MYO15A: variants seen among roughly 807,000 people sequenced by gnomAD.
The protein encoded by MYO15A is myosin XVA.
A neutral mutation model predicts 394.6 loss-of-function variants in MYO15A; 308 were observed. That is an observed-to-expected ratio of 0.78 (90% confidence interval 0.71 to 0.86). The LOEUF (loss-of-function observed/expected upper bound fraction) is 0.86, where lower values mean the gene tolerates loss of function less well. Among genes scored for constraint, MYO15A ranks in the 40% least tolerant of loss-of-function variants. The pLI, the probability that MYO15A is intolerant of heterozygous loss-of-function variation, is 0.00. For missense variants in MYO15A, 4,606 were observed against 4,799.1 expected (o/e 0.96, Z 1.19); for synonymous variants, 1,957 against 2,003.8 (o/e 0.98, Z 0.62).
chr17:18,173,674 G>C (rs2046973461), intron 64 of MYO15A, 107 bp from the exon 65 acceptor site: 1 of 1,479,946 alleles, frequency 6.8e-7, no homozygotes, highest in African/African-American at 1.4e-5. Flanking sequence ...ACTTGAACTG[G>C]AGTGAGTCTC....
intron 1 of MYO15A, among the ~76,000 whole-genome samples, chr17:18,112,750 C>T (rs1172919354): frequency 6.6e-6 from 1 of 151,986 alleles, no homozygotes; most frequent in Non-Finnish European, 1.5e-5. Flanking sequence ...TGGTTTTTGA[C>T]TCAGAAATGC....
intron 1 of MYO15A, among the ~76,000 whole-genome samples, chr17:18,112,392 A>C: frequency 2.0e-5 from 3 of 149,320 alleles, no homozygotes; most frequent in Admixed American, 6.7e-5. Flanking sequence ...TTTCACATAT[A>C]CACTTTTTTG....
Position 18,167,586 on chromosome 17 carries a change from G to T in MYO15A, c.9949-4G>T, listed in dbSNP as rs780136956. ...GCAGCCCCTCACCCAGGTGCTCCCT[G>T]CAGGTCCTGCCTGACTACCTGAAGG... is the stretch of plus-strand genomic sequence containing the variant. On this transcript the variant is annotated splice_polypyrimidine_tract_variant and splice_region_variant and intron_variant, in intron 61 of 65. Coordinates refer to ENST00000647165, the MANE Select transcript of MYO15A (RefSeq NM_016239.4). 6 of 1,601,682 alleles carry T rather than the reference G, an allele frequency of 3.7e-6. No homozygotes were observed. The highest frequency in any genetic ancestry group is 4.2e-6 in the Non-Finnish European group (5 of 1,179,860).
rs531327027 is a variant in MYO15A, at chr17:18,167,631, G to C, written c.9990G>C (p.Pro3330=). The change falls in exon 62 of 66, where the codon CCG becomes CCC. Residue 3330 remains proline (P), a synonymous_variant. Coordinates refer to ENST00000647165, the MANE Select transcript of MYO15A (RefSeq NM_016239.4). ...DYLKGLFSSV[P]ASRPSEQLLQ... Reference sequence around the variant, plus strand: ...TGAAGGGACTCTTCAGCAGTGTGCCGGCCAGCCGGCCCAGCGAGCAGCTGC... The same window carrying C: ...TGAAGGGACTCTTCAGCAGTGTGCCCGCCAGCCGGCCCAGCGAGCAGCTGC... 3 of 1,603,716 alleles carry C rather than the reference G, an allele frequency of 1.9e-6. No homozygotes were observed. The highest frequency in any genetic ancestry group is 1.7e-5 in the Admixed American group (1 of 59,994).
intron 58 of MYO15A, among the ~76,000 whole-genome samples, chr17:18,163,031 G>A (rs1012060530): frequency 1.3e-5 from 2 of 152,126 alleles, no homozygotes; most frequent in Non-Finnish European, 2.9e-5. Context: ...ACAAAAAAAT[G>A]AATGGGAGAC....
At chr17:18,160,083 A>G in intron 56 of MYO15A, 66 bp downstream of exon 56, 1 of 1,495,378 alleles carries the variant, frequency 6.7e-7, no homozygotes, top group Non-Finnish European at 9.2e-7. Flanking sequence ...GGACCAGTTC[A>G]GCCTCCCACC....
intron 61 of MYO15A, among the ~76,000 whole-genome samples, 198 bp downstream of exon 61, chr17:18,166,719 G>A (rs937235075): frequency 1.1e-4 from 16 of 152,272 alleles, no homozygotes; most frequent in African/African-American, 3.1e-4. Flanking sequence ...GAGCCTTTGC[G>A]CATGCCATCC....
chr17:18,127,164 A>C lies in MYO15A; in HGVS notation c.4031A>C (p.Gln1344Pro). 2 of 1,613,980 alleles carry C rather than the reference A, an allele frequency of 1.2e-6. No homozygotes were observed. The highest frequency in any genetic ancestry group is 1.7e-6 in the Non-Finnish European group (2 of 1,180,012). The change falls in exon 7 of 66, where the codon CAG becomes CCG. Residue 1344 changes from glutamine to proline, a missense_variant and splice_region_variant. Physicochemically the swap from Gln to Pro is moderately conservative, Grantham distance 76. Coordinates refer to ENST00000647165, the MANE Select transcript of MYO15A (RefSeq NM_016239.4). ...AMNQKREVMQ[Q>P]IKILEATPLL... ...AACCAGAAACGGGAGGTCATGCAGC[A>C]GGTGAGTCTACCTGTCTCCCCAGGA...
chr17:18,114,235 T>C (rs920572792), intron 1 of MYO15A, among the ~76,000 whole-genome samples: 8 of 138,720 alleles, frequency 5.8e-5, no homozygotes, highest in African/African-American at 1.8e-4. Flanking sequence ...ACCACCACAG[T>C]CCTGTCTTTT....
intron 17 of MYO15A, 44 bp from the exon 18 acceptor site, chr17:18,138,767 G>C: frequency 6.2e-7 from 1 of 1,609,332 alleles, no homozygotes; most frequent in Non-Finnish European, 8.5e-7. Context: ...GGAACAGGGT[G>C]TCCAGGCCTC....
chr17:18,119,433 G>C lies in MYO15A; in HGVS notation c.633G>C (p.Glu211Asp), dbSNP rs751909204. 3.3e-5 allele frequency: 53 copies of C among 1,612,362 alleles called. No individual in the cohort carries two copies. Among genetic ancestry groups the C allele is most frequent in the Non-Finnish European group, 4.5e-5 (53 of 1,179,994 alleles). ...EPLGFLPFEDEAPFHHSGSRK... is the reference protein window; with the variant it reads ...EPLGFLPFEDDAPFHHSGSRK... ...TGGGCTTCCTGCCCTTCGAGGACGA[G>C]GCCCCATTCCATCACTCGGGCTCCC... Residue 211 changes from glutamate to aspartate, a missense_variant, in exon 2 of 66, where the codon GAG (glutamate) becomes GAC (aspartate). Glu to Asp is a conservative substitution (Grantham distance 45). Coordinates refer to ENST00000647165, the MANE Select transcript of MYO15A (RefSeq NM_016239.4).
intron 51 of MYO15A, 28 bp from the exon 52 acceptor site, chr17:18,158,495 G>A (rs2046722731): frequency 6.2e-7 from 1 of 1,602,302 alleles, no homozygotes; most frequent in Non-Finnish European, 8.6e-7. Context: ...GGCCGGACTG[G>A]GCCTTCCTAG....
chr17:18,157,423 C>G, intron 50 of MYO15A, 193 bp downstream of exon 50: 1 of 919,598 alleles, frequency 1.1e-6, no homozygotes, highest in South Asian at 1.4e-5. Context: ...CCTGAGGGGT[C>G]TCCGTGGGCA....
At chr17:18,124,264 T>C (rs1350957712) in intron 2 of MYO15A, 1 of 619,852 alleles carries the variant, frequency 1.6e-6, no homozygotes, top group Non-Finnish European at 3.0e-6. Flanking sequence ...TGGGAGGGCC[T>C]GCCTGGGCAC....
chr17:18,156,437 C>G, intron 48 of MYO15A, 101 bp downstream of exon 48: 3 of 1,365,024 alleles, frequency 2.2e-6, no homozygotes, highest in Non-Finnish European at 3.1e-6. Flanking sequence ...AGATTTCTGT[C>G]TACCTTAAGG....
intron 50 of MYO15A, 112 bp from the exon 51 acceptor site, chr17:18,157,610 C>A: frequency 6.5e-7 from 1 of 1,550,288 alleles, no homozygotes; most frequent in South Asian, 1.2e-5. Context: ...GCCTGGCCTG[C>A]CTCATAGAGT....
In MYO15A at chr17:18,178,774, G is replaced by C. The variant is rs1397740723; in HGVS notation, c.10497G>C (p.Leu3499=). ...ACTGTCACTGTCACCTGCAGGGACT[G>C]GAACTGTGTCGTGTGGTGGCCGTGC... The part of the protein sequence containing the change: ...RTLQLQLEQG[L]ELCRVVAVHV... Residue 3499 remains leucine (L), a synonymous_variant, in exon 66 of 66, where the codon CTG becomes CTC. Coordinates refer to ENST00000647165, the MANE Select transcript of MYO15A (RefSeq NM_016239.4). 2.5e-6 allele frequency: 4 copies of C among 1,614,056 alleles called. 1 individual carries two copies. The South Asian group carries it at 4.4e-5, about 18-fold the overall frequency.
intron 16 of MYO15A, 155 bp from the exon 17 acceptor site, chr17:18,137,960 T>TGAA: frequency 1.8e-6 from 2 of 1,120,808 alleles, no homozygotes; most frequent in Non-Finnish European, 2.5e-6. Flanking sequence ...CTGAGTTGGC[T>TGAA]CATGCTGCCT....
intron 12 of MYO15A, 105 bp from the exon 13 acceptor site, chr17:18,135,606 G>T: frequency 9.1e-7 from 1 of 1,098,960 alleles, no homozygotes; most frequent in Non-Finnish European, 1.3e-6. Flanking sequence ...CTCCCAAAGT[G>T]CTGGGACTAC....
Sources: allele counts gnomAD v4.1 joint callset (sites outside exome capture counted in the v4.1 genomes callset), GRCh38; gene constraint gnomAD v4.1.1; transcripts MANE v1.5; gene names NCBI Gene and HGNC (gene_info 2026-07-23, HGNC 2026-07-21).